Variants in CCND3 observed in about 807,000 individuals in gnomAD.
CCND3 encodes the protein cyclin D3.
Under a neutral mutation model 28.7 loss-of-function variants are expected in CCND3, and 9 were observed. The observed-to-expected ratio is 0.31, with a 90% CI of 0.19 to 0.55. The LOEUF (loss-of-function observed/expected upper bound fraction) is 0.55, where lower values mean the gene tolerates loss of function less well. CCND3 is among the 20% of genes least tolerant of loss of function. CCND3 has a pLI of 0.93. For synonymous variants in CCND3, 164 were observed against 163.9 expected, an observed-to-expected ratio of 1.00 and a Z score of 0.00; for missense variants, 315 against 385.8, an observed-to-expected ratio of 0.82 and a Z score of 1.54.
intron 1 of CCND3, among the ~76,000 whole-genome samples, chr6:41,958,000 C>CTTTT (rs536258560): frequency 0.65 from 82,408 of 126,808 alleles, 29,323 homozygotes; most frequent in Middle Eastern, 0.78. Context: ...TTATCTTTAT[C>CTTTT]TTTTTTTTTT....
chr6:41,988,542 C>T (rs1762551340), intron 1 of CCND3, among the ~76,000 whole-genome samples: 1 of 152,058 alleles, frequency 6.6e-6, no homozygotes, highest in Admixed American at 6.6e-5. Flanking sequence ...ATTCACAATA[C>T]TGTTCCTAAA....
chr6:41,977,135 C>A (rs986626394), intron 1 of CCND3, among the ~76,000 whole-genome samples: 7 of 152,164 alleles, frequency 4.6e-5, no homozygotes, highest in African/African-American at 1.7e-4. Context: ...GTCTCAGAGG[C>A]ACCTAATTCA....
intron 1 of CCND3, among the ~76,000 whole-genome samples, chr6:42,000,335 G>A (rs1300277284): frequency 7.7e-6 from 1 of 130,686 alleles, no homozygotes; most frequent in Non-Finnish European, 1.5e-5. Flanking sequence ...CGCCTCTCGG[G>A]TTCACGCCAT....
intron 1 of CCND3, among the ~76,000 whole-genome samples, chr6:42,041,336 C>G (rs1764366522): frequency 6.6e-6 from 1 of 152,154 alleles, no homozygotes; most frequent in Admixed American, 6.6e-5. Flanking sequence ...TCAGTTGGGT[C>G]CTAGAGGTAG....
intron 1 of CCND3, among the ~76,000 whole-genome samples, chr6:41,969,846 C>A (rs1437640349): frequency 6.6e-6 from 1 of 152,166 alleles, no homozygotes; most frequent in African/African-American, 2.4e-5. Flanking sequence ...CTACCACTTG[C>A]TTCTTGTGTG....
At chr6:42,029,837 C>CAAA (rs34732029) in intron 1 of CCND3, among the ~76,000 whole-genome samples, 4 of 118,208 alleles carry the variant, frequency 3.4e-5, no homozygotes, top group African/African-American at 6.7e-5. Flanking sequence ...AACTCTGTCT[C>CAAA]AAAAAAAAAA....
Position 41,936,790 on chromosome 6 carries a change from G to C in CCND3, c.575-95C>G. The C allele has an allele frequency of 7.7e-7, 1 of 1,304,336 alleles. No homozygotes were observed. Among genetic ancestry groups the C allele is most frequent in the Non-Finnish European group, 1.1e-6 (1 of 933,460 alleles). 80.8% of individuals were successfully genotyped at this position (1,304,336 alleles called of 1,614,324 possible). On this transcript the variant is annotated intron_variant, in intron 3 of 4. Transcript: ENST00000372991. The surrounding 1 kb of genome is among the most constrained non-coding windows in gnomAD (Gnocchi z 4.4). ...CTCCTTGGAAAGTGCCAGGCAGCAT[G>C]AGTAGAGCAGAGGACATGCTGGAAA...
chr6:41,937,347 A>G lies in CCND3; in HGVS notation c.462T>C (p.Ala154=). 6.2e-7 allele frequency: 1 copy of G among 1,614,218 alleles called. No homozygotes were observed. Among genetic ancestry groups the G allele is most frequent in the Non-Finnish European group, 8.5e-7 (1 of 1,180,032 alleles). The change falls in exon 3 of 5, where the codon GCT becomes GCC. Residue 154 remains alanine (A), a synonymous_variant. Coordinates refer to ENST00000372991, the MANE Select transcript of CCND3 (RefSeq NM_001760.5). ...AGGCCAGGAAATCATGTGCAATCAC[A>G]GCAGCCAGGTCCCACTTGAGCTTCC... is the stretch of plus-strand genomic sequence containing the variant. ...VLGKLKWDLA[A]VIAHDFLAFI...
chr6:42,009,752 G>A (rs1364836084), intron 1 of CCND3, among the ~76,000 whole-genome samples: 4 of 152,020 alleles, frequency 2.6e-5, no homozygotes, highest in Non-Finnish European at 5.9e-5. Context: ...GGTTGCAGTG[G>A]GCCAAGATTG....
intron 1 of CCND3, among the ~76,000 whole-genome samples, chr6:41,982,270 T>C (rs1762368005): frequency 2.0e-4 from 1 of 5,014 alleles, no homozygotes; most frequent in Non-Finnish European, 7.3e-4. Flanking sequence ...TGAGACTCCA[T>C]CTCAAAAAAA....
Position 42,001,457 on chromosome 6 carries a change from A to G in CCND3, c.-46+47044T>C, listed in dbSNP as rs201638088. Among the ~76,000 whole-genome samples the G allele has an allele frequency of 1.2e-3, 8 of 6,566 alleles. No homozygotes were observed. In the East Asian group the frequency reaches 0.22, roughly 182 times the overall value. 4.3% of individuals were successfully genotyped at this position (6,566 alleles called of 152,430 possible). A position where few individuals can be genotyped will look rare whatever the true frequency, so the allele number is the denominator to read the frequency against. The stretch of plus-strand genomic sequence containing the variant: ...GGAACAGGTTGCTAACACATACCAC[A>G]TATACTAAGTGAAAGAAGCCAGGCA... On this transcript the variant is annotated intron_variant, in intron 1 of 4. Coordinates refer to the CCND3 transcript ENST00000372988.
rs765624800 is a variant in CCND3 at position 41,937,316 on chromosome 6, G to A, written c.493C>T (p.Leu165=). 11 of 1,614,174 alleles carry A rather than the reference G, an allele frequency of 6.8e-6. No homozygotes were observed. In the East Asian group the frequency reaches 1.1e-4, roughly 16 times the overall value. Residue 165 remains leucine, a synonymous_variant, in exon 3 of 5, where the codon CTG becomes TTG. Coordinates refer to ENST00000372991, the MANE Select transcript of CCND3 (RefSeq NM_001760.5). ...TCACGGGGCAGAGAGAGCCGGTGCAGAATGAAGGCCAGGAAATCATGTGCA... is the reference window on the plus strand; with the variant it reads ...TCACGGGGCAGAGAGAGCCGGTGCAAAATGAAGGCCAGGAAATCATGTGCA... ...VIAHDFLAFI[L]HRLSLPRDRQ...
At chr6:42,011,154 G>C (rs573205829) in intron 1 of CCND3, 1 of 152,300 alleles carries the variant, frequency 6.6e-6, no homozygotes, top group South Asian at 2.1e-4. Context: ...ATCTCACTCT[G>C]TCACCCAGGC....
In CCND3 at chr6:41,995,184, C is replaced by T. The variant is rs186709762; in HGVS notation, c.-46+53317G>A. On this transcript the variant is annotated intron_variant, in intron 1 of 4. Coordinates refer to the CCND3 transcript ENST00000372988. ...ATTATAGCAAAAAATTTGTAAACAA[C>T]CTTACAGTCCAATGGGAGGGAAATG... Among the ~76,000 whole-genome samples, 4 of 152,190 alleles carry T rather than the reference C, an allele frequency of 2.6e-5. No individual in the cohort carries two copies. The South Asian group carries it at 8.3e-4, about 32-fold the overall frequency.
At position 41,941,758 on chromosome 6, in the gene CCND3, G is replaced by A. The variant is rs1459413361; in HGVS notation, c.-109C>T. The stretch of plus-strand genomic sequence containing the variant: ...TCTGGCGCTGGCGCTGGCACTGCGC[G>A]GCGGATCCCCAGCCCGCCCGCCGCC... On this transcript the variant is annotated 5_prime_UTR_variant, in exon 1 of 5. Coordinates refer to ENST00000372991, the MANE Select transcript of CCND3 (RefSeq NM_001760.5). This position sits in a 1 kb window ranked among gnomAD's most constrained non-coding sequence, Gnocchi z 6.1. 4 of 742,100 alleles carry A rather than the reference G, an allele frequency of 5.4e-6. No individual in the cohort carries two copies. The highest frequency in any genetic ancestry group is 9.3e-5 in the Admixed American group (2 of 21,540). The allele number at this position is 742,100 out of a possible 1,614,324, so 46.0% of individuals were successfully genotyped here.
At chr6:41,963,446 A>G (rs1043100570) in intron 1 of CCND3, among the ~76,000 whole-genome samples, 2 of 152,228 alleles carry the variant, frequency 1.3e-5, no homozygotes, top group African/African-American at 4.8e-5. Context: ...TACATAAGGA[A>G]AAGTGTGCTT....
chr6:41,999,577 C>T (rs1305670116), intron 1 of CCND3, among the ~76,000 whole-genome samples: 3 of 152,090 alleles, frequency 2.0e-5, no homozygotes, highest in African/African-American at 2.4e-5. Flanking sequence ...ATTTCCATCT[C>T]GCAAATAACA....
In CCND3 at chr6:41,936,324, C is replaced by A. The variant is rs1775793672; in HGVS notation, c.712-217G>T. 2 of 651,822 alleles carry A rather than the reference C, an allele frequency of 3.1e-6. No individual in the cohort carries two copies. Among genetic ancestry groups the A allele is most frequent in the African/African-American group, 1.8e-5 (1 of 54,818 alleles). The allele number at this position is 651,822 out of a possible 1,614,324, so 40.4% of individuals were successfully genotyped here. A position where few individuals can be genotyped will look rare whatever the true frequency, so the allele number is the denominator to read the frequency against. ...CATCTGACACCAAACCCCCCACCCC[C>A]ACTCCAGCACACCACTTGGCAAGAA... is the stretch of plus-strand genomic sequence containing the variant. On this transcript the variant is annotated intron_variant, in intron 4 of 4. Transcript: ENST00000372991. The surrounding 1 kb of genome is among the most constrained non-coding windows in gnomAD (Gnocchi z 4.4).
At chr6:42,022,321 GTGAA>G (rs1290597705) in intron 1 of CCND3, among the ~76,000 whole-genome samples, 2 of 152,202 alleles carry the variant, frequency 1.3e-5, no homozygotes, top group African/African-American at 2.4e-5. Context: ...ACTGGAATGA[GTGAA>G]TGAAGAAATG....
Sources: allele counts gnomAD v4.1 joint callset (sites outside exome capture counted in the v4.1 genomes callset), GRCh38; gene constraint gnomAD v4.1.1; non-coding constraint Gnocchi (gnomAD v3.1); transcripts MANE v1.5; gene names NCBI Gene and HGNC (gene_info 2026-07-23, HGNC 2026-07-21).